ANK3: variants seen among roughly 807,000 people sequenced by gnomAD.
ANK3 encodes the protein ankyrin-3.
Under a neutral mutation model 370.9 loss-of-function variants are expected in ANK3, and 57 were observed. That is an observed-to-expected ratio of 0.15 (90% CI 0.12 to 0.19). The LOEUF (loss-of-function observed/expected upper bound fraction) is 0.19. Among genes scored for constraint, ANK3 ranks in the 10% least tolerant of loss-of-function variants. The pLI is 1.00. For missense variants in ANK3, 4,439 were observed against 5,302.1 expected, an observed-to-expected ratio of 0.84 and a Z score of 5.06; for synonymous variants, 1,929 against 1,946.3, an observed-to-expected ratio of 0.99 and a Z score of 0.23.
chr10:60,129,542 A>G (rs1047062005), intron 25 of ANK3, among the ~76,000 whole-genome samples: 1 of 152,238 alleles, frequency 6.6e-6, no homozygotes, highest in Non-Finnish European at 1.5e-5. Flanking sequence ...ACTTGAGGTC[A>G]GGAGTTCGAG....
At chr10:60,278,636 G>A (rs2098122257) in intron 4 of ANK3, 138 bp downstream of exon 4, 5 of 701,108 alleles carry the variant, frequency 7.1e-6, no homozygotes, top group Non-Finnish European at 2.4e-6. Flanking sequence ...CTTCCAAAGT[G>A]TGCCAAATAT....
At chr10:60,654,658 C>A (rs2078838481) in intron 1 of ANK3, among the ~76,000 whole-genome samples, 1 of 152,050 alleles carries the variant, frequency 6.6e-6, no homozygotes, top group South Asian at 2.1e-4. Flanking sequence ...ACATGTTATC[C>A]TTTAAAAAAT....
At chr10:60,147,548 C>T (rs1018787703) in intron 23 of ANK3, among the ~76,000 whole-genome samples, 1 of 152,140 alleles carries the variant, frequency 6.6e-6, no homozygotes, top group South Asian at 2.1e-4. Context: ...ATTGTCATCC[C>T]CAGTGTTGGA....
intron 2 of ANK3, among the ~76,000 whole-genome samples, chr10:60,563,635 G>A (rs549764443): frequency 2.2e-4 from 33 of 152,220 alleles, no homozygotes; most frequent in Admixed American, 7.8e-4. Flanking sequence ...GCTACCAAAT[G>A]TGCTCAGGTC....
intron 2 of ANK3, among the ~76,000 whole-genome samples, chr10:60,467,004 G>A (rs1026177531): frequency 8.6e-5 from 13 of 152,040 alleles, no homozygotes; most frequent in African/African-American, 2.4e-4. Context: ...TAGTAGTGAC[G>A]GTGACACAAC....
chr10:60,441,038 G>A (rs1237167870), intron 2 of ANK3, among the ~76,000 whole-genome samples: 4 of 152,156 alleles, frequency 2.6e-5, no homozygotes, highest in Admixed American at 6.5e-5. Context: ...TATTGCCTAC[G>A]GGCAGGAGGG....
chr10:60,538,251 G>A (rs1056551477), intron 2 of ANK3, among the ~76,000 whole-genome samples: 1 of 151,752 alleles, frequency 6.6e-6, no homozygotes, highest in Non-Finnish European at 1.5e-5. Flanking sequence ...AACAGATAAG[G>A]GAAATGCATT....
Position 60,064,249 on chromosome 10 carries a change from T to C in ANK3, c.12359A>G (p.Asn4120Ser), listed in dbSNP as rs1226652904. 1.3e-6 allele frequency: 2 copies of C among 1,581,896 alleles called. No homozygotes were observed. Among genetic ancestry groups the C allele is most frequent in the Non-Finnish European group, 8.5e-7 (1 of 1,170,626 alleles). The change falls in exon 39 of 44, where the codon AAT becomes AGT. Residue 4120 changes from asparagine to serine, a missense_variant. Physicochemically the swap from Asn to Ser is conservative, Grantham distance 46. Transcript: ENST00000280772. ...ATTTGGATTTTCCACACGTATTTGA[T>C]TGATTTCATCCACTGAAAAATTCAG... ...RELNFSVDEI[N>S]QIRVENPNSL...
intron 2 of ANK3, among the ~76,000 whole-genome samples, chr10:60,469,302 T>TATATATAC (rs1555377202): frequency 7.6e-4 from 14 of 18,534 alleles, no homozygotes; most frequent in Admixed American, 1.0e-3. Flanking sequence ...TATATATATA[T>TATATATAC]ATATACCACT....
At chr10:60,662,452 T>C (rs1315414208) in intron 1 of ANK3, among the ~76,000 whole-genome samples, 1 of 152,152 alleles carries the variant, frequency 6.6e-6, no homozygotes, top group Non-Finnish European at 1.5e-5. Flanking sequence ...AGCTATATGA[T>C]CTCTAGAGCC....
At chr10:60,371,650 G>A (rs769668129) in intron 1 of ANK3, among the ~76,000 whole-genome samples, 1 of 152,094 alleles carries the variant, frequency 6.6e-6, no homozygotes, top group Non-Finnish European at 1.5e-5. Flanking sequence ...CTCCAGTCAA[G>A]ATAATTCTAC....
chr10:60,532,390 C>T (rs2076625721), intron 2 of ANK3, among the ~76,000 whole-genome samples: 1 of 152,104 alleles, frequency 6.6e-6, no homozygotes, highest in Non-Finnish European at 1.5e-5. Context: ...TGAGTCCTAT[C>T]TAAATTGAGT....
chr10:60,345,103 C>T (rs2055140994), intron 1 of ANK3, among the ~76,000 whole-genome samples: 1 of 151,968 alleles, frequency 6.6e-6, no homozygotes, highest in African/African-American at 2.4e-5. Context: ...AAACAAAGCC[C>T]AACTAAGGAT....
At chr10:60,408,592 T>C (rs1015036282) in intron 2 of ANK3, among the ~76,000 whole-genome samples, 6 of 152,194 alleles carry the variant, frequency 3.9e-5, no homozygotes, top group South Asian at 4.1e-4. Flanking sequence ...GGCATTTCTT[T>C]ATAGCAACAT....
Position 60,075,703 on chromosome 10 carries a change from T to C in ANK3, c.5178A>G (p.Pro1726=). The C allele has an allele frequency of 6.2e-7, 1 of 1,614,110 alleles. No homozygotes were observed. The highest frequency in any genetic ancestry group is 1.1e-5 in the South Asian group (1 of 91,080). The change falls in exon 37 of 44, where the codon CCA becomes CCG. Residue 1726 remains proline (P), a synonymous_variant. Transcript: ENST00000280772. ...VNGSISPLKY[P]SSSTLINGCK... Reference sequence around the variant, plus strand: ...ATCCATTAATTAAAGTTGAGGATGATGGATATTTTAGAGGGGAAATAGATC... The same window carrying C: ...ATCCATTAATTAAAGTTGAGGATGACGGATATTTTAGAGGGGAAATAGATC...
At chr10:60,116,307 G>A (rs1023660912) in intron 25 of ANK3, among the ~76,000 whole-genome samples, 1 of 152,094 alleles carries the variant, frequency 6.6e-6, no homozygotes, top group African/African-American at 2.4e-5. Context: ...CCTGCCCATT[G>A]GAATTTCCCA....
At chr10:60,447,504 C>T (rs1252270728) in intron 2 of ANK3, among the ~76,000 whole-genome samples, 2 of 152,112 alleles carry the variant, frequency 1.3e-5, no homozygotes, top group Non-Finnish European at 2.9e-5. Context: ...GTAAAAGCAT[C>T]TCAGTTCTTG....
chr10:60,351,890 A>G (rs1284274690), intron 1 of ANK3, among the ~76,000 whole-genome samples: 1 of 152,200 alleles, frequency 6.6e-6, no homozygotes, highest in African/African-American at 2.4e-5. Flanking sequence ...CTCAGATAAC[A>G]ATGCATTAAA....
intron 7 of ANK3, among the ~76,000 whole-genome samples, chr10:60,257,541 A>G (rs1592597817): frequency 6.6e-6 from 1 of 152,348 alleles, no homozygotes; most frequent in African/African-American, 2.4e-5. Flanking sequence ...TATGATAAAA[A>G]TAATGTTTGA....
Sources: allele counts gnomAD v4.1 joint callset (sites outside exome capture counted in the v4.1 genomes callset), GRCh38; gene constraint gnomAD v4.1.1; transcripts MANE v1.5; gene names NCBI Gene and HGNC (gene_info 2026-07-23, HGNC 2026-07-21).